Variants in UTP3 observed in about 807,000 individuals in gnomAD.
UTP3 encodes the protein UTP3 small subunit processome component, also known as something about silencing protein 10.
UTP3 carries 19 observed loss-of-function variants against 37.9 expected under a neutral mutation model. That is an observed-to-expected ratio of 0.50 (90% CI 0.35 to 0.74). The LOEUF (loss-of-function observed/expected upper bound fraction) is 0.74. Ranked by LOEUF, UTP3 falls within the 30% of genes least tolerant of loss-of-function variation. The pLI is 0.01. For synonymous variants in UTP3, 242 were observed against 218.5 expected (o/e 1.11, Z -0.95); for missense variants, 504 against 570.7 (o/e 0.88, Z 1.19).
In UTP3 at chr4:70,690,169, C is replaced by T; in HGVS notation, c.*52C>T. The T allele has an allele frequency of 1.3e-6, 2 of 1,505,236 alleles. No individual in the cohort carries two copies. Among genetic ancestry groups the T allele is most frequent in the Admixed American group, 2.3e-5 (1 of 43,760 alleles). 93.2% of individuals were successfully genotyped at this position (1,505,236 alleles called of 1,614,324 possible). Reference sequence around the variant, plus strand: ...GCAGTTTTGGATCAATAAATTTTTACTTTTAACTAAAGTCATTGTATTAAT... The same window carrying T: ...GCAGTTTTGGATCAATAAATTTTTATTTTTAACTAAAGTCATTGTATTAAT... On this transcript the variant is annotated 3_prime_UTR_variant, in exon 1 of 1. Transcript: ENST00000254803.
chr4:70,690,075 T>A lies in UTP3; in HGVS notation c.1398T>A (p.Ser466=). The A allele has an allele frequency of 2.5e-6, 4 of 1,610,538 alleles. No individual in the cohort carries two copies. The highest frequency in any genetic ancestry group is 3.4e-6 in the Non-Finnish European group (4 of 1,179,194). ...AGCAACGTTATAGTGGTGAATTATC[T>A]GGCATTCGTGCAGGAGTTAAAAAGA... ...KEEQRYSGEL[S]GIRAGVKKSI... The change falls in exon 1 of 1, where the codon TCT becomes TCA. Residue 466 remains serine, a synonymous_variant. Coordinates refer to ENST00000254803, the MANE Select transcript of UTP3 (RefSeq NM_020368.3).
At position 70,689,294 on chromosome 4, in the gene UTP3, A is replaced by C; in HGVS notation, c.617A>C (p.Asp206Ala). 6.2e-7 allele frequency: 1 copy of C among 1,614,114 alleles called. No homozygotes were observed. Among genetic ancestry groups the C allele is most frequent in the Non-Finnish European group, 8.5e-7 (1 of 1,180,028 alleles). Residue 206 changes from aspartate to alanine, a missense_variant, in exon 1 of 1, where the codon GAT (aspartate) becomes GCT (alanine). By Grantham distance (126) the Asp-to-Ala change is moderately radical. Coordinates refer to ENST00000254803, the MANE Select transcript of UTP3 (RefSeq NM_020368.3). ...VDEAETRVVK[D>A]LAKVSVKEKL... ...GAGGCTGAGACACGGGTCGTGAAGG[A>C]TTTGGCTAAAGTTTCAGTGAAAGAG...
At position 70,689,791 on chromosome 4, in the gene UTP3, G is replaced by A; in HGVS notation, c.1114G>A (p.Glu372Lys). ...TCTTTCTGATGATTCTGATTTTGAT[G>A]AAAAAGCAAAACTGAAGTACTATAA... ...TDLSDDSDFD[E>K]KAKLKYYKEI... The change falls in exon 1 of 1, where the codon GAA becomes AAA. Residue 372 changes from glutamate to lysine, a missense_variant. Transcript: ENST00000254803. 1 of 1,612,744 alleles carries A rather than the reference G, an allele frequency of 6.2e-7. No homozygotes were observed. Among genetic ancestry groups the A allele is most frequent in the Middle Eastern group, 1.7e-4 (1 of 6,048 alleles).
At position 70,689,839 on chromosome 4, in the gene UTP3, C is replaced by T; in HGVS notation, c.1162C>T (p.Leu388=). ...YYKEIEDRQK[L]KRKKEENSTE... ...TAAAGAAATAGAAGACAGGCAAAAG[C>T]TAAAGAGAAAGAAAGAAGAAAATAG... The change falls in exon 1 of 1, where the codon CTA becomes TTA. Residue 388 remains leucine (L), a synonymous_variant. Transcript: ENST00000254803. The T allele has an allele frequency of 1.2e-6, 2 of 1,613,760 alleles. No individual in the cohort carries two copies. Among genetic ancestry groups the T allele is most frequent in the Non-Finnish European group, 1.7e-6 (2 of 1,179,956 alleles).
rs1739575358 is a variant in UTP3, at chr4:70,689,425, T to A, written c.748T>A (p.Leu250Met). ...VKDELEPLLE[L>M]VEQGIIPPGK... is the part of the protein sequence containing the mutation. ...GGATGAGCTGGAGCCATTGTTAGAG[T>A]TGGTGGAACAAGGGATCATTCCACC... is the stretch of plus-strand genomic sequence containing the variant. The change falls in exon 1 of 1, where the codon TTG (leucine) becomes ATG (methionine). Residue 250 changes from leucine to methionine, a missense_variant. By Grantham distance (15) the Leu-to-Met change is conservative. Transcript: ENST00000254803. 3 of 1,614,092 alleles carry A rather than the reference T, an allele frequency of 1.9e-6. No homozygotes were observed. Among genetic ancestry groups the A allele is most frequent in the Non-Finnish European group, 2.5e-6 (3 of 1,180,012 alleles).
At position 70,689,284 on chromosome 4, in the gene UTP3, G is replaced by A; in HGVS notation, c.607G>A (p.Val203Ile). Residue 203 changes from valine to isoleucine, a missense_variant, in exon 1 of 1, where the codon GTC becomes ATC. By Grantham distance (29) the Val-to-Ile change is conservative (BLOSUM62 3). Coordinates refer to ENST00000254803, the MANE Select transcript of UTP3 (RefSeq NM_020368.3). Reference protein sequence around the residue: ...VPQVDEAETRVVKDLAKVSVK... With the variant: ...VPQVDEAETRIVKDLAKVSVK... ...TCAGGTAGATGAGGCTGAGACACGGGTCGTGAAGGATTTGGCTAAAGTTTC... is the reference window on the plus strand; with the variant it reads ...TCAGGTAGATGAGGCTGAGACACGGATCGTGAAGGATTTGGCTAAAGTTTC... 6.2e-7 allele frequency: 1 copy of A among 1,614,210 alleles called. No homozygotes were observed. The highest frequency in any genetic ancestry group is 8.5e-7 in the Non-Finnish European group (1 of 1,180,034).
chr4:70,689,952 AAAG>A lies in UTP3; in HGVS notation c.1280_1282del (p.Lys427del). On this transcript the variant is annotated inframe_deletion, in exon 1 of 1. Transcript: ENST00000254803. ...AAAATAGGGGACTTACTCCTAGGAGAAAGAAGATTGATCGCAATCCCAGAGTGA... is the reference window on the plus strand; with the variant it reads ...AAAATAGGGGACTTACTCCTAGGAGAAAGATTGATCGCAATCCCAGAGTGA... The A allele has an allele frequency of 1.2e-6, 2 of 1,614,110 alleles. No individual in the cohort carries two copies. Among genetic ancestry groups the A allele is most frequent in the Non-Finnish European group, 1.7e-6 (2 of 1,180,024 alleles).
In UTP3 at chr4:70,689,261, A is replaced by C; in HGVS notation, c.584A>C (p.Gln195Pro). 6.2e-7 allele frequency: 1 copy of C among 1,614,236 alleles called. No homozygotes were observed. Among genetic ancestry groups the C allele is most frequent in the Non-Finnish European group, 8.5e-7 (1 of 1,180,042 alleles). ...GAGGCCTTTGCAAAACCAGTGCCTCAGGTAGATGAGGCTGAGACACGGGTC... is the reference window on the plus strand; with the variant it reads ...GAGGCCTTTGCAAAACCAGTGCCTCCGGTAGATGAGGCTGAGACACGGGTC... ...WVEAFAKPVPQVDEAETRVVK... is the reference protein window; with the variant it reads ...WVEAFAKPVPPVDEAETRVVK... The change falls in exon 1 of 1, where the codon CAG becomes CCG. Residue 195 changes from glutamine to proline, a missense_variant. Coordinates refer to ENST00000254803, the MANE Select transcript of UTP3 (RefSeq NM_020368.3).
At position 70,690,019 on chromosome 4, in the gene UTP3, A is replaced by G; in HGVS notation, c.1342A>G (p.Arg448Gly). 6.2e-7 allele frequency: 1 copy of G among 1,614,180 alleles called. No homozygotes were observed. The highest frequency in any genetic ancestry group is 8.5e-7 in the Non-Finnish European group (1 of 1,180,042). The change falls in exon 1 of 1, where the codon AGA (arginine) becomes GGA (glycine). Residue 448 changes from arginine (R) to glycine (G), a missense_variant. Coordinates refer to ENST00000254803, the MANE Select transcript of UTP3 (RefSeq NM_020368.3). ...EKFRRAKIRR[R>G]GQVREVRKEE... ...GTTCAGAAGAGCCAAAATTAGAAGA[A>G]GAGGCCAGGTTCGTGAAGTTCGTAA...
Position 70,689,118 on chromosome 4 carries a change from C to G in UTP3, c.441C>G (p.Gly147=), listed in dbSNP as rs1182218129. The part of the protein sequence containing the change: ...YDTDYGSKSR[G]RQSQQEAEEE... ...CGGACTATGGTTCCAAGTCCCGAGG[C>G]CGGCAGAGTCAACAGGAGGCAGAGG... Residue 147 remains glycine, a synonymous_variant, in exon 1 of 1, where the codon GGC becomes GGG. Coordinates refer to ENST00000254803, the MANE Select transcript of UTP3 (RefSeq NM_020368.3). The G allele has an allele frequency of 6.2e-7, 1 of 1,612,890 alleles. No homozygotes were observed. The highest frequency in any genetic ancestry group is 1.7e-4 in the Middle Eastern group (1 of 6,048).
Position 70,689,740 on chromosome 4 carries a change from TCTG to T in UTP3, c.1071_1073del (p.Ala358del). 4 of 1,614,204 alleles carry T rather than the reference TCTG, an allele frequency of 2.5e-6. No homozygotes were observed. The highest frequency in any genetic ancestry group is 3.4e-6 in the Non-Finnish European group (4 of 1,180,044). ...CAAACCAAAGTCTGTTTCAAAGACT[TCTG>T]CTGCTGCCTGTGCTGTTACAGATCT... On this transcript the variant is annotated inframe_deletion, in exon 1 of 1. Transcript: ENST00000254803.
Position 70,689,570 on chromosome 4 carries a change from T to C in UTP3, c.893T>C (p.Ile298Thr), listed in dbSNP as rs1304392149. The C allele has an allele frequency of 1.2e-6, 2 of 1,614,230 alleles. No individual in the cohort carries two copies. The highest frequency in any genetic ancestry group is 2.2e-5 in the South Asian group (2 of 91,090). ...RRVPAHGHPV[I>T]ERLVTYRNLI... is the part of the protein sequence containing the mutation. ...GTCCCAGCACATGGACATCCTGTCA[T>C]AGAAAGGCTTGTTACCTACCGAAAT... is the stretch of plus-strand genomic sequence containing the variant. The change falls in exon 1 of 1, where the codon ATA becomes ACA. Residue 298 changes from isoleucine to threonine, a missense_variant. Transcript: ENST00000254803.
At position 70,688,939 on chromosome 4, in the gene UTP3, G is replaced by T. The variant is rs898866806; in HGVS notation, c.262G>T (p.Asp88Tyr). The change falls in exon 1 of 1, where the codon GAC (aspartate) becomes TAC (tyrosine). Residue 88 changes from aspartate to tyrosine, a missense_variant. Coordinates refer to ENST00000254803, the MANE Select transcript of UTP3 (RefSeq NM_020368.3). ...GGAGGAGGTGCTAGCCCTAGATATG[G>T]ACGATGAGGACGACGAAGATGGAGG... Reference protein sequence around the residue: ...EEEEVLALDMDDEDDEDGGNA... With the variant: ...EEEEVLALDMYDEDDEDGGNA... 6.2e-7 allele frequency: 1 copy of T among 1,610,108 alleles called. No homozygotes were observed. Among genetic ancestry groups the T allele is most frequent in the Non-Finnish European group, 8.5e-7 (1 of 1,177,498 alleles).
chr4:70,690,351 T>A lies in UTP3; in HGVS notation c.*234T>A. The stretch of plus-strand genomic sequence containing the variant: ...TCTGTTGAAGTTTTCCAATATTAAG[T>A]ATTAGCTTAGGGAAATTTCACAGTT... On this transcript the variant is annotated 3_prime_UTR_variant, in exon 1 of 1. Transcript: ENST00000254803. 3.0e-6 allele frequency: 1 copy of A among 332,096 alleles called. No homozygotes were observed. The highest frequency in any genetic ancestry group is 2.3e-5 in the African/African-American group (1 of 43,594). The allele number at this position is 332,096 out of a possible 1,614,324, so 20.6% of individuals were successfully genotyped here.
At position 70,689,559 on chromosome 4, in the gene UTP3, A is replaced by G; in HGVS notation, c.882A>G (p.Gly294=). 1 of 1,614,214 alleles carries G rather than the reference A, an allele frequency of 6.2e-7. No individual in the cohort carries two copies. The highest frequency in any genetic ancestry group is 8.5e-7 in the Non-Finnish European group (1 of 1,180,034). ...AAGCTAGGAGAGTCCCAGCACATGGACATCCTGTCATAGAAAGGCTTGTTA... is the reference window on the plus strand; with the variant it reads ...AAGCTAGGAGAGTCCCAGCACATGGGCATCCTGTCATAGAAAGGCTTGTTA... ...ILKARRVPAH[G]HPVIERLVTY... is the part of the protein sequence containing the mutation. Residue 294 remains glycine, a synonymous_variant, in exon 1 of 1, where the codon GGA becomes GGG. Coordinates refer to ENST00000254803, the MANE Select transcript of UTP3 (RefSeq NM_020368.3).
At position 70,689,816 on chromosome 4, in the gene UTP3, A is replaced by G. The variant is rs2148536574; in HGVS notation, c.1139A>G (p.Lys380Arg). The part of the protein sequence containing the change: ...FDEKAKLKYY[K>R]EIEDRQKLKR... ...GAAAAAGCAAAACTGAAGTACTATA[A>G]AGAAATAGAAGACAGGCAAAAGCTA... Residue 380 changes from lysine to arginine, a missense_variant, in exon 1 of 1, where the codon AAA becomes AGA. Lys to Arg is a conservative substitution (Grantham distance 26, BLOSUM62 2). Coordinates refer to ENST00000254803, the MANE Select transcript of UTP3 (RefSeq NM_020368.3). 1.2e-6 allele frequency: 2 copies of G among 1,613,496 alleles called. No individual in the cohort carries two copies. Among genetic ancestry groups the G allele is most frequent in the South Asian group, 2.2e-5 (2 of 91,022 alleles).
At position 70,689,300 on chromosome 4, in the gene UTP3, C is replaced by T; in HGVS notation, c.623C>T (p.Ala208Val). 6.2e-7 allele frequency: 1 copy of T among 1,614,092 alleles called. No homozygotes were observed. The highest frequency in any genetic ancestry group is 8.5e-7 in the Non-Finnish European group (1 of 1,180,026). Residue 208 changes from alanine to valine, a missense_variant, in exon 1 of 1, where the codon GCT (alanine) becomes GTT (valine). Physicochemically the swap from Ala to Val is moderately conservative, Grantham distance 64. Transcript: ENST00000254803. The stretch of plus-strand genomic sequence containing the variant: ...GAGACACGGGTCGTGAAGGATTTGG[C>T]TAAAGTTTCAGTGAAAGAGAAGCTG... ...EAETRVVKDL[A>V]KVSVKEKLKM...
Position 70,689,417 on chromosome 4 carries a change from T to C in UTP3, c.740T>C (p.Leu247Ser), listed in dbSNP as rs141537804. 44 of 1,614,170 alleles carry C rather than the reference T, an allele frequency of 2.7e-5. No homozygotes were observed. Among genetic ancestry groups the C allele is most frequent in the Non-Finnish European group, 3.6e-5 (43 of 1,180,018 alleles). ...GAGGTTAAGGATGAGCTGGAGCCAT[T>C]GTTAGAGTTGGTGGAACAAGGGATC... ...LTEVKDELEPLLELVEQGIIP... is the reference protein window; with the variant it reads ...LTEVKDELEPSLELVEQGIIP... The change falls in exon 1 of 1, where the codon TTG (leucine) becomes TCG (serine). Residue 247 changes from leucine (L) to serine (S), a missense_variant. Coordinates refer to ENST00000254803, the MANE Select transcript of UTP3 (RefSeq NM_020368.3).
In UTP3 at chr4:70,689,856, A is replaced by C. The variant is rs142723624; in HGVS notation, c.1179A>C (p.Glu393Asp). 9.2e-5 allele frequency: 148 copies of C among 1,614,026 alleles called. No individual in the cohort carries two copies. The African/African-American group carries it at 1.7e-3, about 19-fold the overall frequency. ...EDRQKLKRKK[E>D]ENSTEEQALE... ...GGCAAAAGCTAAAGAGAAAGAAAGAAGAAAATAGCACTGAAGAACAGGCTC... is the reference window on the plus strand; with the variant it reads ...GGCAAAAGCTAAAGAGAAAGAAAGACGAAAATAGCACTGAAGAACAGGCTC... The change falls in exon 1 of 1, where the codon GAA becomes GAC. Residue 393 changes from glutamate to aspartate, a missense_variant. Transcript: ENST00000254803.
Sources: gnomAD v4.1 joint callset for allele counts on GRCh38, gnomAD v4.1.1 for gene constraint, MANE v1.5 for transcripts, NCBI Gene and HGNC (gene_info 2026-07-23, HGNC 2026-07-21) for gene names.